PHACTR3: variants seen among roughly 807,000 people sequenced by gnomAD.
The protein encoded by PHACTR3 is protein phosphatase 1, regulatory subunit 123.
Under a neutral mutation model 66.8 loss-of-function variants are expected in PHACTR3, and 16 were observed. The ratio of observed to expected loss-of-function variants is 0.24; its 90% CI spans 0.16 to 0.36. The LOEUF (loss-of-function observed/expected upper bound fraction) is 0.36. Among genes scored for constraint, PHACTR3 ranks in the 10% least tolerant of loss-of-function variants. The pLI is 1.00. For synonymous variants in PHACTR3, 323 were observed against 292.1 expected (o/e 1.11, Z -1.08); for missense variants, 647 against 719.9 (o/e 0.90, Z 1.16).
At chr20:59,760,386 T>A (rs2039954396) in intron 4 of PHACTR3, among the ~76,000 whole-genome samples, 1 of 152,312 alleles carries the variant, frequency 6.6e-6, no homozygotes, top group African/African-American at 2.4e-5. Context: ...CCAAATCTCA[T>A]CTTGAATTGT....
chr20:59,847,046 A>C, intron 12 of PHACTR3, 69 bp from the exon 13 acceptor site: 2 of 1,076,914 alleles, frequency 1.9e-6, no homozygotes, highest in Non-Finnish European at 2.8e-6. Context: ...TATTTGTATA[A>C]GGTTTTTGGC....
At chr20:59,628,719 C>A (rs2034555319) in intron 1 of PHACTR3, 2 of 985,324 alleles carry the variant, frequency 2.0e-6, no homozygotes, top group African/African-American at 1.7e-5. Context: ...CCCCATAGTA[C>A]CTACTAGGTG....
chr20:59,714,896 G>A (rs746625930), intron 1 of PHACTR3, among the ~76,000 whole-genome samples: 19 of 151,902 alleles, frequency 1.3e-4, no homozygotes, highest in Non-Finnish European at 2.2e-4. Flanking sequence ...CACATCTTTG[G>A]CTAGATTTAT....
upstream of PHACTR3, among the ~76,000 whole-genome samples, chr20:59,599,750 C>T (rs549113732): frequency 1.2e-3 from 187 of 152,290 alleles, no homozygotes; most frequent in African/African-American, 4.3e-3. Flanking sequence ...TCTAGTCCCC[C>T]GTAGCTCATC....
chr20:59,681,256 T>A (rs2146541793), intron 1 of PHACTR3, among the ~76,000 whole-genome samples: 1 of 152,332 alleles, frequency 6.6e-6, no homozygotes, highest in South Asian at 2.1e-4. Flanking sequence ...GTCTTGGAGA[T>A]TCCACACGTA....
At chr20:59,643,730 T>C (rs1013153384) in intron 1 of PHACTR3, among the ~76,000 whole-genome samples, 1 of 152,160 alleles carries the variant, frequency 6.6e-6, no homozygotes, top group Non-Finnish European at 1.5e-5. Context: ...AGGCAGCCCC[T>C]CTGTGTGGAG....
intron 1 of PHACTR3, among the ~76,000 whole-genome samples, chr20:59,633,541 A>G (rs759336893): frequency 6.6e-6 from 1 of 152,208 alleles, no homozygotes; most frequent in South Asian, 2.1e-4. Context: ...GGACAGGTCA[A>G]TAGGTGCAGC....
At chr20:59,805,020 C>T (rs2041523036) in intron 7 of PHACTR3, among the ~76,000 whole-genome samples, 2 of 152,216 alleles carry the variant, frequency 1.3e-5, no homozygotes, top group African/African-American at 2.4e-5. Flanking sequence ...CTGCAACCTA[C>T]ATCGCATGTA....
intron 1 of PHACTR3, among the ~76,000 whole-genome samples, chr20:59,718,239 A>C (rs968304666): frequency 2.6e-5 from 4 of 152,210 alleles, no homozygotes; most frequent in Middle Eastern, 3.4e-3. Flanking sequence ...ACAACTTCTT[A>C]AGTTGCCACA....
At chr20:59,634,158 T>C (rs6128650) in intron 1 of PHACTR3, among the ~76,000 whole-genome samples, 14,447 of 152,228 alleles carry the variant, frequency 0.095, 1,057 homozygotes, top group East Asian at 0.38. Context: ...GTTTGTAACA[T>C]AAGGCAGTAT....
chr20:59,648,400 T>A (rs2035355997), intron 1 of PHACTR3, among the ~76,000 whole-genome samples: 1 of 152,190 alleles, frequency 6.6e-6, no homozygotes, highest in Non-Finnish European at 1.5e-5. Flanking sequence ...ATGGCCTGAT[T>A]GGGCAAGGGG....
At chr20:59,591,647 G>A (rs2033185375) in intron 1 of PHACTR3, among the ~76,000 whole-genome samples, 1 of 151,872 alleles carries the variant, frequency 6.6e-6, no homozygotes, top group South Asian at 2.1e-4. Context: ...CTCATGGCTG[G>A]TCTCACCCGT....
At position 59,605,209 on chromosome 20, in the gene PHACTR3, G is replaced by T. The variant is rs1254072080; in HGVS notation, c.118+77G>T. 4 of 1,047,782 alleles carry T rather than the reference G, an allele frequency of 3.8e-6. No individual in the cohort carries two copies. The Admixed American group carries it at 1.3e-4, about 34-fold the overall frequency. 64.9% of individuals were successfully genotyped at this position (1,047,782 alleles called of 1,614,324 possible). On this transcript the variant is annotated intron_variant, in intron 1 of 12. Transcript: ENST00000371015. ...GGCGCTGAGAGCAGGACCCCGCGAG[G>T]CTCCGCGCCCCGCCTGCATTCGGGG... is the stretch of plus-strand genomic sequence containing the variant.
chr20:59,612,090 T>G (rs1471903945), intron 1 of PHACTR3, among the ~76,000 whole-genome samples: 1 of 152,094 alleles, frequency 6.6e-6, no homozygotes, highest in Non-Finnish European at 1.5e-5. Context: ...CAGGGCAGCA[T>G]ATATGGGAGG....
intron 7 of PHACTR3, among the ~76,000 whole-genome samples, chr20:59,777,826 CATCTGTGACCCTGATGA>C (rs1475529796): frequency 6.6e-6 from 1 of 152,174 alleles, no homozygotes; most frequent in Admixed American, 6.5e-5. Flanking sequence ...GCTTTAAACA[CATCTGTGACCCTGATGA>C]ATCTGATTTG....
At chr20:59,633,800 T>G (rs1432503276) in intron 1 of PHACTR3, among the ~76,000 whole-genome samples, 4 of 152,156 alleles carry the variant, frequency 2.6e-5, no homozygotes, top group African/African-American at 9.7e-5. Context: ...ATTTATTACC[T>G]CCTGTGGCTC....
intron 2 of PHACTR3, among the ~76,000 whole-genome samples, chr20:59,744,626 C>T (rs6027077): frequency 0.16 from 24,033 of 152,226 alleles, 3,738 homozygotes; most frequent in African/African-American, 0.4. Flanking sequence ...CGGCCAACAC[C>T]GACAGCAGGC....
intron 1 of PHACTR3, among the ~76,000 whole-genome samples, chr20:59,695,169 G>A (rs1173536258): frequency 2.0e-5 from 3 of 152,124 alleles, no homozygotes; most frequent in Admixed American, 1.3e-4. Context: ...TATAGAAACT[G>A]TAGACAAAAT....
chr20:59,659,609 G>C (rs73301501), intron 1 of PHACTR3, among the ~76,000 whole-genome samples: 1,859 of 152,202 alleles, frequency 0.012, 34 homozygotes, highest in African/African-American at 0.043. Context: ...TTGACCTCAT[G>C]ATTTGCCTGC....
Sources: allele counts gnomAD v4.1 joint callset (sites outside exome capture counted in the v4.1 genomes callset), GRCh38; gene constraint gnomAD v4.1.1; transcripts MANE v1.5; gene names NCBI Gene and HGNC (gene_info 2026-07-23, HGNC 2026-07-21).